The following HSD17B12 variants were observed in gnomAD, a reference collection of about 807,000 sequenced individuals.
The protein encoded by HSD17B12 is very-long-chain 3-oxoacyl-CoA reductase.
In HSD17B12, 32 loss-of-function variants were observed where a neutral mutation model predicts 39.3. That is an observed-to-expected ratio of 0.81 (90% CI 0.61 to 1.09). HSD17B12 has a LOEUF of 1.09. HSD17B12 is among the 50% of genes least tolerant of loss of function. HSD17B12 has a pLI of 0.00. For synonymous variants in HSD17B12, 150 were observed against 146.7 expected, an observed-to-expected ratio of 1.02 and a Z score of -0.16; for missense variants, 342 against 382.9, an observed-to-expected ratio of 0.89 and a Z score of 0.89.
intron 7 of HSD17B12, among the ~76,000 whole-genome samples, chr11:43,834,496 T>C (rs985175997): frequency 6.6e-6 from 1 of 152,148 alleles, no homozygotes; most frequent in Admixed American, 6.5e-5. Context: ...ACCTGCACTG[T>C]GGGACAGTGA....
At chr11:43,790,729 C>T (rs949252584) in intron 3 of HSD17B12, among the ~76,000 whole-genome samples, 5 of 152,192 alleles carry the variant, frequency 3.3e-5, no homozygotes, top group Non-Finnish European at 7.4e-5. Flanking sequence ...CAGTGGCTTA[C>T]GCCTGTAATC....
the HSD17B12 span, among the ~76,000 whole-genome samples, chr11:43,576,305 G>A: frequency 6.6e-6 from 1 of 152,164 alleles, no homozygotes; most frequent in Admixed American, 6.5e-5. Context: ...AGGAGGGGGC[G>A]TTTAATGCAC....
chr11:43,804,499 T>G (rs1253363140), intron 4 of HSD17B12, among the ~76,000 whole-genome samples: 9 of 152,260 alleles, frequency 5.9e-5, no homozygotes, highest in Admixed American at 5.9e-4. Context: ...AAAGCTGGAA[T>G]AGAACTTATT....
At chr11:43,617,646 G>A in the HSD17B12 span, among the ~76,000 whole-genome samples, 7 of 152,116 alleles carry the variant, frequency 4.6e-5, no homozygotes, top group Non-Finnish European at 1.0e-4. Context: ...TTGAAATTCA[G>A]AGGAGAGTCT....
intron 1 of HSD17B12, among the ~76,000 whole-genome samples, chr11:43,741,219 C>T (rs1209272564): frequency 1.3e-5 from 2 of 152,078 alleles, no homozygotes; most frequent in Non-Finnish European, 2.9e-5. Flanking sequence ...GTTTTTTACA[C>T]TAATAGTCTA....
the HSD17B12 span, among the ~76,000 whole-genome samples, chr11:43,564,929 T>C: frequency 6.7e-6 from 1 of 149,056 alleles, no homozygotes; most frequent in Non-Finnish European, 1.5e-5. Flanking sequence ...AGACAGATTC[T>C]CACTCTGTCA....
At chr11:43,791,316 G>C (rs1250809120) in intron 3 of HSD17B12, among the ~76,000 whole-genome samples, 1 of 152,158 alleles carries the variant, frequency 6.6e-6, no homozygotes, top group Non-Finnish European at 1.5e-5. Flanking sequence ...CGGATCACCT[G>C]AGGTCAGGAG....
the HSD17B12 span, among the ~76,000 whole-genome samples, chr11:43,665,865 C>T: frequency 2.6e-5 from 4 of 152,152 alleles, no homozygotes; most frequent in African/African-American, 9.7e-5. Context: ...AAGATAAATC[C>T]AACCCTTGGC....
At chr11:43,696,330 GAA>G (rs765827186) in intron 1 of HSD17B12, among the ~76,000 whole-genome samples, 3 of 151,696 alleles carry the variant, frequency 2.0e-5, no homozygotes, top group Non-Finnish European at 2.9e-5. Flanking sequence ...AAATTTATAA[GAA>G]AAAAAATCAT....
Position 43,830,956 on chromosome 11 carries a change from T to A in HSD17B12, c.502-20T>A. 6.2e-7 allele frequency: 1 copy of A among 1,606,256 alleles called. No homozygotes were observed. The highest frequency in any genetic ancestry group is 8.5e-7 in the Non-Finnish European group (1 of 1,175,866). ...CCTGCATCCTTGGCCATCATGAATG[T>A]TTTGCTTTCTCTCTTGCAGATGACA... On this transcript the variant is annotated intron_variant, in intron 6 of 10. Transcript: ENST00000278353.
At chr11:43,655,529 A>G in the HSD17B12 span, among the ~76,000 whole-genome samples, 1 of 152,094 alleles carries the variant, frequency 6.6e-6, no homozygotes, top group African/African-American at 2.4e-5. Flanking sequence ...TCAGTATGAT[A>G]TTGGCTGTGG....
At chr11:43,736,431 T>G (rs1247864898) in intron 1 of HSD17B12, among the ~76,000 whole-genome samples, 1 of 151,286 alleles carries the variant, frequency 6.6e-6, no homozygotes, top group Non-Finnish European at 1.5e-5. Flanking sequence ...GAGTAAAGAG[T>G]CGAAGAGAGG....
chr11:43,604,396 G>A, the HSD17B12 span, among the ~76,000 whole-genome samples: 1 of 152,086 alleles, frequency 6.6e-6, no homozygotes, highest in African/African-American at 2.4e-5. Flanking sequence ...TATGATGAAA[G>A]TTTCATTTTA....
At chr11:43,587,326 A>C in the HSD17B12 span, among the ~76,000 whole-genome samples, 7 of 151,666 alleles carry the variant, frequency 4.6e-5, no homozygotes, top group South Asian at 1.5e-3. Context: ...GAAAAAAAAA[A>C]CCAGGCATTT....
intron 1 of HSD17B12, among the ~76,000 whole-genome samples, chr11:43,748,168 C>A (rs184659893): frequency 1.3e-5 from 2 of 152,232 alleles, no homozygotes; most frequent in Admixed American, 6.5e-5. Context: ...AAATTATGTT[C>A]ATTGCTACTC....
At chr11:43,812,579 CTA>C (rs1249467586) in intron 4 of HSD17B12, among the ~76,000 whole-genome samples, 4 of 152,060 alleles carry the variant, frequency 2.6e-5, no homozygotes, top group Non-Finnish European at 4.4e-5. Context: ...GTTTTTTAAA[CTA>C]TTCAGTTGTT....
the HSD17B12 span, among the ~76,000 whole-genome samples, chr11:43,653,979 C>T: frequency 6.6e-6 from 1 of 152,218 alleles, no homozygotes; most frequent in African/African-American, 2.4e-5. Context: ...CACTGACTTC[C>T]ACAATGGTTG....
chr11:43,849,263 C>T (rs1041288356), intron 9 of HSD17B12, among the ~76,000 whole-genome samples: 1 of 152,148 alleles, frequency 6.6e-6, no homozygotes, highest in African/African-American at 2.4e-5. Flanking sequence ...TGAGATCGCA[C>T]CACTGCACTC....
At chr11:43,605,739 A>C in the HSD17B12 span, among the ~76,000 whole-genome samples, 1 of 152,188 alleles carries the variant, frequency 6.6e-6, no homozygotes, top group Admixed American at 6.5e-5. Context: ...AGAGTATACC[A>C]GAGGATATAA....
Sources: gnomAD v4.1 joint callset for allele counts (sites outside exome capture counted in the v4.1 genomes callset) on GRCh38, gnomAD v4.1.1 for gene constraint, MANE v1.5 for transcripts, NCBI Gene and HGNC (gene_info 2026-07-23, HGNC 2026-07-21) for gene names.